The following TF variants were observed in gnomAD, a reference collection of about 807,000 sequenced individuals.
TF encodes the protein serotransferrin.
A neutral mutation model predicts 82.4 loss-of-function variants in TF; 55 were observed. That is an observed-to-expected ratio of 0.67 (90% CI 0.54 to 0.84). The LOEUF (loss-of-function observed/expected upper bound fraction) is 0.84, where lower values mean the gene tolerates loss of function less well. Ranked by LOEUF, TF falls within the 40% of genes least tolerant of loss-of-function variation. The pLI, the probability that TF is intolerant of heterozygous loss-of-function variation, is 0.00. For missense variants in TF, 737 were observed against 868.4 expected (o/e 0.85, Z 1.90); for synonymous variants, 332 against 332.6 (o/e 1.00, Z 0.02).
upstream of TF, among the ~76,000 whole-genome samples, chr3:133,744,822 T>C (rs1933459295): frequency 6.6e-6 from 1 of 152,236 alleles, no homozygotes; most frequent in Admixed American, 6.5e-5. Flanking sequence ...CTTCCAGTTA[T>C]ATTTATTGTT....
chr3:133,697,569 C>G, the TF span, among the ~76,000 whole-genome samples: 2 of 152,176 alleles, frequency 1.3e-5, no homozygotes, highest in African/African-American at 4.8e-5. Context: ...TTTGTAAGAT[C>G]TCTTCTTGCC....
At chr3:133,724,912 A>C in the TF span, among the ~76,000 whole-genome samples, 2 of 152,192 alleles carry the variant, frequency 1.3e-5, no homozygotes, top group African/African-American at 4.8e-5. Flanking sequence ...TTAGATAGGG[A>C]ATCCTTTCCC....
Position 133,784,455 on chromosome 3 carries a change from T to C in TF, c.*5835T>C, listed in dbSNP as rs1934598976. On this transcript the variant is annotated 3_prime_UTR_variant, in exon 17 of 17. Transcript: ENST00000402696. The stretch of plus-strand genomic sequence containing the variant: ...GTTAGAAAATCACACATCTTGTAAA[T>C]TCCCATTTGTTAAAAAAATAATAAT... The C allele has an allele frequency of 1.8e-5, 2 of 113,014 alleles. No individual in the cohort carries two copies. The highest frequency in any genetic ancestry group is 2.8e-4 in the South Asian group (1 of 3,636). 7.0% of individuals were successfully genotyped at this position (113,014 alleles called of 1,614,324 possible).
At chr3:133,729,280 G>A in the TF span, among the ~76,000 whole-genome samples, 1 of 152,228 alleles carries the variant, frequency 6.6e-6, no homozygotes, top group African/African-American at 2.4e-5. Flanking sequence ...ACAAAGGCAG[G>A]CAGGCCTCCT....
At chr3:133,719,143 G>C in the TF span, among the ~76,000 whole-genome samples, 1 of 152,166 alleles carries the variant, frequency 6.6e-6, no homozygotes, top group Non-Finnish European at 1.5e-5. Context: ...AATGTATAGT[G>C]ATATACATTC....
chr3:133,742,281 C>G (rs988485722), upstream of TF, among the ~76,000 whole-genome samples: 2 of 152,168 alleles, frequency 1.3e-5, no homozygotes, highest in African/African-American at 4.8e-5. Flanking sequence ...CACCCCCACG[C>G]TGTAATTCTT....
intron 14 of TF, among the ~76,000 whole-genome samples, chr3:133,771,654 G>T (rs1358551261): frequency 4.0e-5 from 6 of 149,222 alleles, no homozygotes; most frequent in African/African-American, 1.5e-4. Context: ...GGAGAATGGC[G>T]TGAACCTGGG....
chr3:133,698,611 A>C, the TF span, among the ~76,000 whole-genome samples: 1,289 of 152,226 alleles, frequency 8.5e-3, 19 homozygotes, highest in African/African-American at 0.029. Context: ...GCCTGTGTGC[A>C]TGTCTTCTGT....
intron 1 of TF, chr3:133,748,209 A>C: frequency 1.5e-6 from 1 of 656,788 alleles, no homozygotes; most frequent in Non-Finnish European, 2.7e-6. Context: ...GGTGGTCAGT[A>C]GGAAACTGGG....
At chr3:133,686,255 AC>A in the TF span, among the ~76,000 whole-genome samples, 1 of 152,190 alleles carries the variant, frequency 6.6e-6, no homozygotes, top group African/African-American at 2.4e-5. Flanking sequence ...CTAGAAGAAA[AC>A]CTAGGCAATA....
chr3:133,675,399 C>CT, the TF span, among the ~76,000 whole-genome samples: 1 of 152,102 alleles, frequency 6.6e-6, no homozygotes, highest in Non-Finnish European at 1.5e-5. Context: ...TATATGACAG[C>CT]TTTCAGGCTT....
At chr3:133,692,047 C>T in the TF span, among the ~76,000 whole-genome samples, 1 of 152,222 alleles carries the variant, frequency 6.6e-6, no homozygotes, top group Non-Finnish European at 1.5e-5. Flanking sequence ...AGAAACTCCG[C>T]TGGTGCTGCT....
At position 133,753,568 on chromosome 3, in the gene TF, A is replaced by G. The variant is rs199807466; in HGVS notation, c.217-27A>G. 4.4e-6 allele frequency: 7 copies of G among 1,605,590 alleles called. No homozygotes were observed. The Admixed American group carries it at 1.0e-4, about 23-fold the overall frequency. ...GGCCTTCCTTGGAAGTCAAGGCTTCATCCAGGACTGGCCTGTTCTCTTTCA... is the reference window on the plus strand; with the variant it reads ...GGCCTTCCTTGGAAGTCAAGGCTTCGTCCAGGACTGGCCTGTTCTCTTTCA... On this transcript the variant is annotated intron_variant, in intron 2 of 16. Transcript: ENST00000402696.
At chr3:133,754,230 A>G (rs1447209224) in intron 3 of TF, 1 of 497,604 alleles carries the variant, frequency 2.0e-6, no homozygotes, top group East Asian at 3.9e-5. Flanking sequence ...CTGCAGGGCC[A>G]GGGGAGGCAA....
chr3:133,723,635 CTTTTATTATTATTAT>C, the TF span, among the ~76,000 whole-genome samples: 2 of 77,420 alleles, frequency 2.6e-5, no homozygotes, highest in South Asian at 6.3e-4. Context: ...CTGTTTGGTT[CTTTTATTATTATTAT>C]TATTATTATT....
At chr3:133,733,572 T>C in the TF span, among the ~76,000 whole-genome samples, 1 of 152,160 alleles carries the variant, frequency 6.6e-6, no homozygotes, top group African/African-American at 2.4e-5. Context: ...ATTGAAAATA[T>C]GGTGATGAGA....
In TF at chr3:133,792,020, ATG is replaced by A. The variant is rs1343363634; in HGVS notation, c.*13402_*13403del. The A allele has an allele frequency of 1.3e-5, 2 of 152,218 alleles. No homozygotes were observed. Among genetic ancestry groups the A allele is most frequent in the African/African-American group, 4.8e-5 (2 of 41,458 alleles). 9.4% of individuals were successfully genotyped at this position (152,218 alleles called of 1,614,324 possible). A position where few individuals can be genotyped will look rare whatever the true frequency, so the allele number is the denominator to read the frequency against. The stretch of plus-strand genomic sequence containing the variant: ...TTGGTAAAATAAAAATATCTTCAAA[ATG>A]TAAATATTTAGTCTAAATTATGCAG... On this transcript the variant is annotated 3_prime_UTR_variant, in exon 17 of 17. Coordinates refer to ENST00000402696, the MANE Select transcript of TF (RefSeq NM_001063.4).
the TF span, among the ~76,000 whole-genome samples, chr3:133,717,717 T>C: frequency 7.2e-5 from 11 of 152,194 alleles, no homozygotes; most frequent in African/African-American, 2.4e-4. Flanking sequence ...TTGAGGCGGC[T>C]GGGGTGGGGG....
chr3:133,739,054 C>T, the TF span, among the ~76,000 whole-genome samples: 1 of 152,172 alleles, frequency 6.6e-6, no homozygotes, highest in African/African-American at 2.4e-5. Flanking sequence ...CACTACCTGA[C>T]TTCAAACTAT....
Sources: gnomAD v4.1 joint callset for allele counts (sites outside exome capture counted in the v4.1 genomes callset) on GRCh38, gnomAD v4.1.1 for gene constraint, MANE v1.5 for transcripts, NCBI Gene and HGNC (gene_info 2026-07-23, HGNC 2026-07-21) for gene names.